BCL11B: variants seen among roughly 807,000 people sequenced by gnomAD.
BCL11B encodes B-cell lymphoma/leukemia 11B.
A neutral mutation model predicts 49.9 loss-of-function variants in BCL11B; 8 were observed. The ratio of observed to expected loss-of-function variants is 0.16; its 90% CI spans 0.09 to 0.29. The LOEUF (loss-of-function observed/expected upper bound fraction) is 0.29. Among genes scored for constraint, BCL11B ranks in the 10% least tolerant of loss-of-function variants. The pLI is 1.00. For synonymous variants in BCL11B, 739 were observed against 637.4 expected (o/e 1.16, Z -2.40); for missense variants, 1,006 against 1,351.0 (o/e 0.74, Z 4.00).
At chr14:99,264,538 T>C (rs115812437) in intron 1 of BCL11B, 2 of 152,110 alleles carry the variant, frequency 1.3e-5, no homozygotes, top group African/African-American at 4.8e-5. Flanking sequence ...CTTAATTTTG[T>C]GTGGTCTGGG....
rs1410864843 is a variant in BCL11B at position 99,185,936 on chromosome 14, T to C, written c.641-9741A>G. On this transcript the variant is annotated intron_variant, in intron 3 of 3. Coordinates refer to ENST00000357195, the MANE Select transcript of BCL11B (RefSeq NM_138576.4). The stretch of plus-strand genomic sequence containing the variant: ...ACCGTCAACTTCTCAACAACATTTA[T>C]TCACTTGTTCCTTCCTCCCTTCCTT... Among the ~76,000 whole-genome samples, 5 of 152,358 alleles carry C rather than the reference T, an allele frequency of 3.3e-5. No individual in the cohort carries two copies. In the East Asian group the frequency reaches 9.6e-4, roughly 29 times the overall value.
At chr14:99,240,909 A>G (rs994637274) in intron 2 of BCL11B, among the ~76,000 whole-genome samples, 2 of 152,244 alleles carry the variant, frequency 1.3e-5, no homozygotes, top group Non-Finnish European at 2.9e-5. Context: ...ATTTAATGTA[A>G]TTAAAGAAAC....
rs1388126174 is a variant in BCL11B at position 99,184,558 on chromosome 14, G to A, written c.641-8363C>T. Among the ~76,000 whole-genome samples, 1 of 152,146 alleles carries A rather than the reference G, an allele frequency of 6.6e-6. No individual in the cohort carries two copies. The highest frequency in any genetic ancestry group is 1.5e-5 in the Non-Finnish European group (1 of 68,034). On this transcript the variant is annotated intron_variant, in intron 3 of 3. Transcript: ENST00000357195. The surrounding 1 kb of genome is among the most constrained non-coding windows in gnomAD (Gnocchi z 6.1). Reference sequence around the variant, plus strand: ...CAGGTCACAGGGCTGGTAAGTGGCAGAGTCAAGATGCACACCCGGGTCCGT... The same window carrying A: ...CAGGTCACAGGGCTGGTAAGTGGCAAAGTCAAGATGCACACCCGGGTCCGT...
At chr14:99,211,799 G>A (rs1298870837) in intron 3 of BCL11B, among the ~76,000 whole-genome samples, 2 of 152,048 alleles carry the variant, frequency 1.3e-5, no homozygotes, top group South Asian at 2.1e-4. Context: ...CTGGTTCCTC[G>A]GTTCTAAACT....
chr14:99,173,950 T>G lies in BCL11B; in HGVS notation c.*201A>C. On this transcript the variant is annotated 3_prime_UTR_variant, in exon 4 of 4. Transcript: ENST00000357195. ...AGAAATTATTGCACAGTTAAAAGGC[T>G]CCACAATTTGTACTGCCTTAATCAA... The G allele has an allele frequency of 1.7e-6, 1 of 596,518 alleles. No individual in the cohort carries two copies. The highest frequency in any genetic ancestry group is 3.0e-6 in the Non-Finnish European group (1 of 337,102). The allele number at this position is 596,518 out of a possible 1,614,324, so 37.0% of individuals were successfully genotyped here.
chr14:99,174,380 G>A lies in BCL11B; in HGVS notation c.2456C>T (p.Thr819Ile). Residue 819 changes from threonine (T) to isoleucine (I), a missense_variant, in exon 4 of 4, where the codon ACC becomes ATC. By Grantham distance (89) the Thr-to-Ile change is moderately conservative. Coordinates refer to ENST00000357195, the MANE Select transcript of BCL11B (RefSeq NM_138576.4). The part of the protein sequence containing the change: ...SNLTVHRRSH[T>I]GERPYKCELC... ...CTCGCACTTGTAAGGCCGCTCGCCGGTGTGGCTCCGCCGGTGCACCGTCAA... is the reference window on the plus strand; with the variant it reads ...CTCGCACTTGTAAGGCCGCTCGCCGATGTGGCTCCGCCGGTGCACCGTCAA... The A allele has an allele frequency of 6.2e-7, 1 of 1,613,522 alleles. No homozygotes were observed. Among genetic ancestry groups the A allele is most frequent in the Middle Eastern group, 1.7e-4 (1 of 6,060 alleles).
chr14:99,222,772 A>G (rs1237521239), intron 3 of BCL11B, among the ~76,000 whole-genome samples: 1 of 152,018 alleles, frequency 6.6e-6, no homozygotes, highest in Non-Finnish European at 1.5e-5. Context: ...CCGGTGGTAA[A>G]ACCCCTGTAG....
intron 3 of BCL11B, among the ~76,000 whole-genome samples, chr14:99,227,489 G>C (rs1169378580): frequency 6.6e-6 from 1 of 152,146 alleles, no homozygotes; most frequent in Non-Finnish European, 1.5e-5. Flanking sequence ...AATCATGGAA[G>C]CCTCAGAACA....
At chr14:99,239,958 G>A (rs1220027149) in intron 2 of BCL11B, among the ~76,000 whole-genome samples, 3 of 152,128 alleles carry the variant, frequency 2.0e-5, no homozygotes, top group African/African-American at 7.2e-5. Flanking sequence ...CAGCAAGGAG[G>A]TTATTGGGAT....
At chr14:99,217,214 ACACT>A (rs1424344377) in intron 3 of BCL11B, among the ~76,000 whole-genome samples, 1 of 152,218 alleles carries the variant, frequency 6.6e-6, no homozygotes, top group Non-Finnish European at 1.5e-5. Flanking sequence ...GCTCACATAT[ACACT>A]CAGACATGTA....
chr14:99,220,569 G>A (rs1240492377), intron 3 of BCL11B, among the ~76,000 whole-genome samples: 1 of 152,178 alleles, frequency 6.6e-6, no homozygotes, highest in Admixed American at 6.5e-5. Context: ...AGAATGGGGG[G>A]CTGGGGAGAG....
chr14:99,228,951 G>T lies in BCL11B; in HGVS notation c.640+2394C>A, dbSNP rs145204498. Among the ~76,000 whole-genome samples the T allele has an allele frequency of 1.3e-5, 2 of 152,016 alleles. No individual in the cohort carries two copies. The highest frequency in any genetic ancestry group is 2.9e-5 in the Non-Finnish European group (2 of 67,996). ...GGATGGATGGATGAACGGATGGGTGGATGGATGGATGCATGGATGGATGCA... is the reference window on the plus strand; with the variant it reads ...GGATGGATGGATGAACGGATGGGTGTATGGATGGATGCATGGATGGATGCA... On this transcript the variant is annotated intron_variant, in intron 3 of 3. Transcript: ENST00000357195. This position sits in a 1 kb window ranked among gnomAD's most constrained non-coding sequence, Gnocchi z 4.8.
chr14:99,208,840 T>C (rs923634338), intron 3 of BCL11B, among the ~76,000 whole-genome samples: 2 of 152,138 alleles, frequency 1.3e-5, no homozygotes, highest in Non-Finnish European at 2.9e-5. Context: ...ACGACACTGA[T>C]ACCAGGATAC....
chr14:99,210,881 A>G (rs1281619719), intron 3 of BCL11B, among the ~76,000 whole-genome samples: 1 of 152,116 alleles, frequency 6.6e-6, no homozygotes, highest in Non-Finnish European at 1.5e-5. Context: ...CTGCATCACC[A>G]TGGAGAAGAC....
chr14:99,263,727 T>C (rs1027069031), intron 1 of BCL11B, among the ~76,000 whole-genome samples: 1 of 151,306 alleles, frequency 6.6e-6, no homozygotes, highest in African/African-American at 2.4e-5. Context: ...CCCCAAAAAC[T>C]GAGCCCAGGA....
rs1886800360 is a variant in BCL11B, at chr14:99,184,612, G to A, written c.641-8417C>T. Among the ~76,000 whole-genome samples, 1 of 152,138 alleles carries A rather than the reference G, an allele frequency of 6.6e-6. No individual in the cohort carries two copies. The highest frequency in any genetic ancestry group is 1.5e-5 in the Non-Finnish European group (1 of 68,028). On this transcript the variant is annotated intron_variant, in intron 3 of 3. Coordinates refer to ENST00000357195, the MANE Select transcript of BCL11B (RefSeq NM_138576.4). This position sits in a 1 kb window ranked among gnomAD's most constrained non-coding sequence, Gnocchi z 6.1. ...ACCCCAGAGCGTGTGCTGGGGTCCA[G>A]ACTCACAACTGGCTGCCCCTCACAC... is the stretch of plus-strand genomic sequence containing the variant.
intron 3 of BCL11B, among the ~76,000 whole-genome samples, chr14:99,177,535 T>C (rs1388898785): frequency 6.7e-6 from 1 of 149,674 alleles, no homozygotes; most frequent in Non-Finnish European, 1.5e-5. Flanking sequence ...TCTTGCAGCA[T>C]TGCACTCACT....
At chr14:99,236,672 A>G (rs993395958) in intron 2 of BCL11B, among the ~76,000 whole-genome samples, 3 of 152,080 alleles carry the variant, frequency 2.0e-5, no homozygotes, top group Admixed American at 6.5e-5. Flanking sequence ...CACAAGGAGA[A>G]GATGGTCTTT....
At chr14:99,237,567 C>T (rs1299668012) in intron 2 of BCL11B, among the ~76,000 whole-genome samples, 2 of 152,244 alleles carry the variant, frequency 1.3e-5, no homozygotes, top group East Asian at 3.9e-4. Flanking sequence ...TCAGACACCA[C>T]TGTTTTGTCT....
Sources: gnomAD v4.1 joint callset for allele counts (sites outside exome capture counted in the v4.1 genomes callset) on GRCh38, gnomAD v4.1.1 for gene constraint, Gnocchi (gnomAD v3.1) non-coding constraint, MANE v1.5 for transcripts, NCBI Gene and HGNC (gene_info 2026-07-23, HGNC 2026-07-21) for gene names.